PIBF1: variants seen among roughly 807,000 people sequenced by gnomAD.
PIBF1 encodes progesterone-induced-blocking factor 1.
A neutral mutation model predicts 112.5 loss-of-function variants in PIBF1; 90 were observed. That is an observed-to-expected ratio of 0.80 (90% confidence interval 0.67 to 0.95). PIBF1 has a LOEUF of 0.95. Ranked by LOEUF, PIBF1 falls within the 40% of genes least tolerant of loss-of-function variation. PIBF1 has a pLI of 0.00. For missense variants in PIBF1, 915 were observed against 852.3 expected, an observed-to-expected ratio of 1.07 and a Z score of -0.92; for synonymous variants, 301 against 288.6, an observed-to-expected ratio of 1.04 and a Z score of -0.44.
intron 5 of PIBF1, among the ~76,000 whole-genome samples, chr13:72,802,457 G>C (rs921668317): frequency 6.6e-6 from 1 of 152,116 alleles, no homozygotes; most frequent in African/African-American, 2.4e-5. Flanking sequence ...GATGGTAGCA[G>C]GGGAAGTGGT....
intron 9 of PIBF1, among the ~76,000 whole-genome samples, chr13:72,848,540 TA>T (rs1354440927): frequency 6.6e-6 from 1 of 152,188 alleles, no homozygotes; most frequent in African/African-American, 2.4e-5. Flanking sequence ...TTTATTTAAG[TA>T]AATGATTAAG....
rs150682613 is a variant in PIBF1 at position 72,842,090 on chromosome 13, A to G, written c.1223+6722A>G. Among the ~76,000 whole-genome samples the G allele has an allele frequency of 5.4e-3, 819 of 152,362 alleles. 9 individuals carry two copies. The highest frequency in any genetic ancestry group is 0.019 in the African/African-American group (770 of 41,590). On this transcript the variant is annotated intron_variant, in intron 9 of 17. Coordinates refer to ENST00000326291, the MANE Select transcript of PIBF1 (RefSeq NM_006346.4). ...TTCTTAAATGACGTAATACAGACGT[A>G]GAGGGTCTACATGCCATTCTTTTCT...
At chr13:72,843,613 T>C (rs191079521) in intron 9 of PIBF1, among the ~76,000 whole-genome samples, 1 of 152,320 alleles carries the variant, frequency 6.6e-6, no homozygotes, top group East Asian at 1.9e-4. Context: ...GGTTTCGCCA[T>C]GTTGGTCAGG....
chr13:72,786,883 T>C (rs2034627463), intron 2 of PIBF1, among the ~76,000 whole-genome samples: 2 of 152,190 alleles, frequency 1.3e-5, no homozygotes, highest in Non-Finnish European at 2.9e-5. Flanking sequence ...TAGCCTTCCA[T>C]AATTTATTGA....
chr13:72,926,441 A>G (rs1236756123), intron 13 of PIBF1, among the ~76,000 whole-genome samples: 1 of 152,206 alleles, frequency 6.6e-6, no homozygotes, highest in Non-Finnish European at 1.5e-5. Flanking sequence ...ATAATTTTGC[A>G]CATAACTACT....
intron 13 of PIBF1, among the ~76,000 whole-genome samples, chr13:72,921,158 A>G (rs1394026800): frequency 6.6e-6 from 1 of 152,124 alleles, no homozygotes; most frequent in African/African-American, 2.4e-5. Context: ...GCTGGAGTGC[A>G]GTGGCATGAT....
chr13:72,893,866 C>T lies in PIBF1; in HGVS notation c.1405C>T (p.Arg469Cys). The T allele has an allele frequency of 3.1e-6, 5 of 1,603,796 alleles. No individual in the cohort carries two copies. Among genetic ancestry groups the T allele is most frequent in the African/African-American group, 1.3e-5 (1 of 74,498 alleles). ...QSKLKSFESE[R>C]VQLLQEETAR... ...TAAATTAAAATCTTTTGAAAGTGAG[C>T]GTGTTCAACTTCTGCAAGAGGAAAC... The change falls in exon 11 of 18, where the codon CGT becomes TGT. Residue 469 changes from arginine to cysteine, a missense_variant. Coordinates refer to ENST00000326291, the MANE Select transcript of PIBF1 (RefSeq NM_006346.4).
At chr13:72,932,721 T>C (rs916422382) in intron 14 of PIBF1, among the ~76,000 whole-genome samples, 3 of 152,208 alleles carry the variant, frequency 2.0e-5, no homozygotes, top group Admixed American at 6.5e-5. Context: ...GCACAGATAA[T>C]AGTAAAATAA....
intron 10 of PIBF1, among the ~76,000 whole-genome samples, chr13:72,855,382 A>G (rs1293204133): frequency 2.0e-5 from 3 of 152,170 alleles, no homozygotes; most frequent in African/African-American, 7.2e-5. Context: ...CTTATTCTAA[A>G]TATCATGCTA....
At chr13:72,790,727 C>G (rs1251984487) in intron 2 of PIBF1, among the ~76,000 whole-genome samples, 2 of 151,960 alleles carry the variant, frequency 1.3e-5, no homozygotes, top group Non-Finnish European at 2.9e-5. Flanking sequence ...ATCATGGAAG[C>G]TAAAAGAGAA....
chr13:72,988,824 G>A (rs2043384756), intron 16 of PIBF1, among the ~76,000 whole-genome samples: 1 of 152,062 alleles, frequency 6.6e-6, no homozygotes, highest in African/African-American at 2.4e-5. Flanking sequence ...ATTGCTTGAG[G>A]TCAGGAGTTC....
chr13:72,926,433 A>G (rs1281173986), intron 13 of PIBF1, among the ~76,000 whole-genome samples: 1 of 152,194 alleles, frequency 6.6e-6, no homozygotes, highest in Non-Finnish European at 1.5e-5. Flanking sequence ...TTCAAGAAAT[A>G]ATTTTGCACA....
chr13:72,927,996 C>CAT (rs1168458934), intron 13 of PIBF1, among the ~76,000 whole-genome samples: 3,284 of 74,914 alleles, frequency 0.044, 198 homozygotes, highest in African/African-American at 0.11. Flanking sequence ...TATACACACA[C>CAT]ATATATATAC....
At chr13:72,943,689 A>C (rs1028440785) in intron 14 of PIBF1, among the ~76,000 whole-genome samples, 2 of 152,038 alleles carry the variant, frequency 1.3e-5, no homozygotes, top group African/African-American at 4.8e-5. Context: ...GTCTCCTCCC[A>C]CCACTTTGTT....
chr13:72,901,424 C>T (rs1047291004), intron 11 of PIBF1, among the ~76,000 whole-genome samples: 5 of 152,182 alleles, frequency 3.3e-5, no homozygotes, highest in African/African-American at 1.2e-4. Context: ...CACGGTGGCT[C>T]ACGCCTGTAA....
Position 73,008,037 on chromosome 13 carries a change from G to C in PIBF1, c.2224-7832G>C, listed in dbSNP as rs189310731. Among the ~76,000 whole-genome samples, 18 of 152,252 alleles carry C rather than the reference G, an allele frequency of 1.2e-4. No individual in the cohort carries two copies. The East Asian group carries it at 3.5e-3, about 29-fold the overall frequency. Reference sequence around the variant, plus strand: ...AAAATCAGAAATAAACTTTTCAGAAGCAGTATTATCTACTTGGAATCTGTT... The same window carrying C: ...AAAATCAGAAATAAACTTTTCAGAACCAGTATTATCTACTTGGAATCTGTT... On this transcript the variant is annotated intron_variant, in intron 17 of 17. Transcript: ENST00000326291.
chr13:72,803,958 T>C (rs1317016690), intron 5 of PIBF1, among the ~76,000 whole-genome samples: 1 of 152,222 alleles, frequency 6.6e-6, no homozygotes, highest in Non-Finnish European at 1.5e-5. Context: ...TTCTGTTTTT[T>C]CTTCTGTTAC....
At chr13:73,004,913 T>G (rs995897509) in intron 17 of PIBF1, among the ~76,000 whole-genome samples, 2 of 152,082 alleles carry the variant, frequency 1.3e-5, no homozygotes, top group East Asian at 3.9e-4. Context: ...GGCCGGGCAC[T>G]GTGGCTCACA....
intron 14 of PIBF1, among the ~76,000 whole-genome samples, chr13:72,958,518 T>C (rs1234363793): frequency 6.6e-6 from 1 of 152,120 alleles, no homozygotes; most frequent in East Asian, 1.9e-4. Context: ...AACTACCATG[T>C]CCTTGCTTTA....
Sources: gnomAD v4.1 joint callset for allele counts (sites outside exome capture counted in the v4.1 genomes callset) on GRCh38, gnomAD v4.1.1 for gene constraint, MANE v1.5 for transcripts, NCBI Gene and HGNC (gene_info 2026-07-23, HGNC 2026-07-21) for gene names.